The following PTPRD variants were observed in gnomAD, a reference collection of about 807,000 sequenced individuals.
The protein encoded by PTPRD is protein tyrosine phosphatase receptor type D.
PTPRD carries 34 observed loss-of-function variants against 214.5 expected under a neutral mutation model. The observed-to-expected ratio is 0.16, with a 90% CI of 0.12 to 0.21. The LOEUF is 0.21. Among genes scored for constraint, PTPRD ranks in the 10% least tolerant of loss-of-function variants. The probability of loss-of-function intolerance (pLI) is 1.00; values close to 1 mark genes in which losing one functional copy is unlikely to be tolerated. For missense variants in PTPRD, 2,545 were observed against 2,398.7 expected, an observed-to-expected ratio of 1.06 and a Z score of -1.27; for synonymous variants, 1,128 against 845.7, an observed-to-expected ratio of 1.33 and a Z score of -5.79.
At chr9:9,630,474 C>T (rs1008700773) in intron 7 of PTPRD, among the ~76,000 whole-genome samples, 5 of 151,882 alleles carry the variant, frequency 3.3e-5, no homozygotes, top group African/African-American at 9.7e-5. Context: ...CCTGAAGTGA[C>T]GGAAGGGGAG....
At chr9:9,184,366 C>T (rs533448825) in intron 9 of PTPRD, among the ~76,000 whole-genome samples, 2 of 152,146 alleles carry the variant, frequency 1.3e-5, no homozygotes, top group African/African-American at 2.4e-5. Context: ...GTCTTAAGAA[C>T]ATCTTGCATA....
rs1555505700 is a variant in PTPRD at position 8,907,529 on chromosome 9, A to ATAT, written c.-104+111167_-104+111168insATA. On this transcript the variant is annotated intron_variant, in intron 11 of 45. Coordinates refer to ENST00000381196, the MANE Select transcript of PTPRD (RefSeq NM_002839.4). ...TGAGACTCCGTCTCAAAAAAAAAAA[A>ATAT]AAAAATATATATATATATATATATA... 1.8e-4 allele frequency among the ~76,000 whole-genome samples: 24 copies of ATAT among 133,156 alleles called. No individual in the cohort carries two copies. The East Asian group carries it at 3.4e-3, about 19-fold the overall frequency. 87.4% of individuals were successfully genotyped at this position (133,156 alleles called of 152,430 possible). A position where few individuals can be genotyped will look rare whatever the true frequency, so the allele number is the denominator to read the frequency against.
chr9:9,166,176 T>A (rs1367721144), intron 10 of PTPRD, among the ~76,000 whole-genome samples: 2 of 151,620 alleles, frequency 1.3e-5, no homozygotes, highest in Admixed American at 1.3e-4. Flanking sequence ...CACTTCTCCA[T>A]CTACCTTACT....
chr9:9,466,029 C>A (rs2094126599), intron 8 of PTPRD, among the ~76,000 whole-genome samples: 2 of 152,144 alleles, frequency 1.3e-5, no homozygotes, highest in East Asian at 1.9e-4. Context: ...AATCTAGTAG[C>A]CAGGTGTGAT....
intron 9 of PTPRD, among the ~76,000 whole-genome samples, chr9:9,285,835 G>T (rs921773268): frequency 6.6e-6 from 1 of 151,628 alleles, no homozygotes; most frequent in Admixed American, 6.6e-5. Flanking sequence ...ACTACTCTTT[G>T]TATGTAGATA....
chr9:8,769,372 G>A (rs7875869), intron 11 of PTPRD, among the ~76,000 whole-genome samples: 7,028 of 152,250 alleles, frequency 0.046, 409 homozygotes, highest in African/African-American at 0.13. Flanking sequence ...ACAGCTGGAT[G>A]AGAATGTTAA....
intron 10 of PTPRD, among the ~76,000 whole-genome samples, chr9:9,022,722 G>T (rs977220762): frequency 6.6e-6 from 1 of 152,148 alleles, no homozygotes; most frequent in Non-Finnish European, 1.5e-5. Flanking sequence ...ATAATTTGCA[G>T]AACTTGAACA....
intron 10 of PTPRD, among the ~76,000 whole-genome samples, chr9:9,150,028 G>A (rs1188569746): frequency 1.3e-5 from 2 of 152,184 alleles, no homozygotes; most frequent in East Asian, 3.8e-4. Flanking sequence ...TGGAAGAAGT[G>A]CTGCTGCCCA....
chr9:8,938,425 T>A (rs1018357249), intron 11 of PTPRD, among the ~76,000 whole-genome samples: 2 of 152,116 alleles, frequency 1.3e-5, no homozygotes, highest in Admixed American at 6.5e-5. Context: ...ATAATAAATA[T>A]AGCAATCATA....
intron 3 of PTPRD, among the ~76,000 whole-genome samples, chr9:10,173,924 G>C (rs2099228739): frequency 1.3e-5 from 2 of 151,996 alleles, no homozygotes; most frequent in South Asian, 4.1e-4. Flanking sequence ...AATAATGTTG[G>C]TCATACTTAT....
At chr9:9,757,850 C>A (rs1243385174) in intron 6 of PTPRD, among the ~76,000 whole-genome samples, 1 of 152,042 alleles carries the variant, frequency 6.6e-6, no homozygotes, top group Non-Finnish European at 1.5e-5. Flanking sequence ...TTTGACTCTG[C>A]TAATTTTTAC....
At chr9:10,475,770 C>T (rs1324967690) in intron 2 of PTPRD, among the ~76,000 whole-genome samples, 3 of 152,036 alleles carry the variant, frequency 2.0e-5, no homozygotes, top group Non-Finnish European at 4.4e-5. Context: ...AATCAAAAAG[C>T]TTATCTACCA....
chr9:9,251,494 T>A (rs1488656242), intron 9 of PTPRD, among the ~76,000 whole-genome samples: 1 of 152,094 alleles, frequency 6.6e-6, no homozygotes, highest in Admixed American at 6.6e-5. Context: ...AAAACTACTA[T>A]TCATTAATTT....
At chr9:8,701,217 A>T (rs1271784419) in intron 12 of PTPRD, among the ~76,000 whole-genome samples, 1 of 152,200 alleles carries the variant, frequency 6.6e-6, no homozygotes, top group Admixed American at 6.5e-5. Flanking sequence ...GAAAAAAAAT[A>T]AGAATCTTTT....
chr9:8,628,704 T>A (rs1241636203), intron 14 of PTPRD, among the ~76,000 whole-genome samples: 2 of 151,840 alleles, frequency 1.3e-5, no homozygotes, highest in African/African-American at 2.4e-5. Context: ...AAAGCTGGAA[T>A]TCAATTTCCC....
At chr9:10,612,232 A>T (rs2081234808) in intron 2 of PTPRD, among the ~76,000 whole-genome samples, 166 bp downstream of exon 2, 1 of 151,788 alleles carries the variant, frequency 6.6e-6, no homozygotes, top group South Asian at 2.1e-4. Flanking sequence ...AAAGAAAAAA[A>T]TGCTTAGCGA....
intron 11 of PTPRD, among the ~76,000 whole-genome samples, chr9:8,941,191 T>C (rs562300782): frequency 6.6e-6 from 1 of 152,238 alleles, no homozygotes; most frequent in South Asian, 2.1e-4. Context: ...TAAAATAAAA[T>C]TTAAAAATGG....
intron 9 of PTPRD, among the ~76,000 whole-genome samples, chr9:9,391,903 T>G (rs989097467): frequency 6.6e-6 from 1 of 152,164 alleles, no homozygotes; most frequent in Non-Finnish European, 1.5e-5. Flanking sequence ...AGACTTTGGT[T>G]CACAGAGAGA....
At chr9:8,403,669 C>T (rs1021151406) in intron 36 of PTPRD, among the ~76,000 whole-genome samples, 1 of 152,202 alleles carries the variant, frequency 6.6e-6, no homozygotes, top group African/African-American at 2.4e-5. Flanking sequence ...CTTTTAGGAA[C>T]AATCATGCCC....
Sources: allele counts gnomAD v4.1 joint callset (sites outside exome capture counted in the v4.1 genomes callset), GRCh38; gene constraint gnomAD v4.1.1; transcripts MANE v1.5; gene names NCBI Gene and HGNC (gene_info 2026-07-23, HGNC 2026-07-21).